TRMT11: variants seen among roughly 807,000 people sequenced by gnomAD.
TRMT11 encodes tRNA (guanine(10)-N(2))-methyltransferase TRMT11.
TRMT11 carries 53 observed loss-of-function variants against 62.8 expected under a neutral mutation model. The observed-to-expected ratio is 0.84, with a 90% CI of 0.68 to 1.06. The LOEUF (loss-of-function observed/expected upper bound fraction) is 1.06, where lower values mean the gene tolerates loss of function less well. TRMT11 is among the 50% of genes least tolerant of loss of function. TRMT11 has a pLI of 0.00. For synonymous variants in TRMT11, 188 were observed against 190.3 expected (o/e 0.99, Z 0.10); for missense variants, 556 against 553.4 (o/e 1.00, Z -0.05).
At chr6:126,187,895 T>A (rs148516315) in intron 1 of TRMT11, among the ~76,000 whole-genome samples, 1 of 150,964 alleles carries the variant, frequency 6.6e-6, no homozygotes, top group Non-Finnish European at 1.5e-5. Flanking sequence ...TTTTAAGAAA[T>A]GGCAATGGAA....
chr6:126,106,364 C>T (rs943704357), intron 17 of TRMT11, among the ~76,000 whole-genome samples: 5 of 152,010 alleles, frequency 3.3e-5, no homozygotes, highest in Admixed American at 6.6e-5. Context: ...AGGCTGGTTT[C>T]GAACTCCTGG....
the TRMT11 span, among the ~76,000 whole-genome samples, chr6:126,237,056 T>G: frequency 6.8e-6 from 1 of 146,204 alleles, no homozygotes; most frequent in African/African-American, 2.6e-5. Flanking sequence ...GTACTTGACC[T>G]CCTAGAGATA....
the TRMT11 span, among the ~76,000 whole-genome samples, chr6:126,226,039 C>T: frequency 6.6e-6 from 1 of 152,126 alleles, no homozygotes; most frequent in Non-Finnish European, 1.5e-5. Flanking sequence ...TGTAGTGTCA[C>T]TCTGGACCAT....
chr6:126,016,532 A>G (rs1173576200), intron 11 of TRMT11, among the ~76,000 whole-genome samples: 1 of 152,166 alleles, frequency 6.6e-6, no homozygotes, highest in Non-Finnish European at 1.5e-5. Context: ...ATAAAAAGTA[A>G]TATTGGAGGT....
chr6:126,042,203 AC>A (rs1775899521), downstream of TRMT11, among the ~76,000 whole-genome samples: 1 of 152,216 alleles, frequency 6.6e-6, no homozygotes, highest in African/African-American at 2.4e-5. Flanking sequence ...AATCATAGAG[AC>A]CAGCACATTC....
At chr6:126,060,726 T>C (rs1000862976) in intron 17 of TRMT11, among the ~76,000 whole-genome samples, 2 of 152,256 alleles carry the variant, frequency 1.3e-5, no homozygotes, top group African/African-American at 4.8e-5. Context: ...TTTTTTCTTT[T>C]GATTGAGAAA....
intron 7 of TRMT11, among the ~76,000 whole-genome samples, chr6:126,005,738 A>G (rs957931007): frequency 6.6e-6 from 1 of 152,006 alleles, no homozygotes; most frequent in Non-Finnish European, 1.5e-5. Context: ...TTGAAATATA[A>G]AATTATAAAT....
At chr6:126,075,332 A>C (rs1462292993) in intron 17 of TRMT11, among the ~76,000 whole-genome samples, 5 of 152,058 alleles carry the variant, frequency 3.3e-5, no homozygotes, top group Non-Finnish European at 7.4e-5. Context: ...TCCCCACCCC[A>C]ATCTCATGTT....
intron 2 of TRMT11, among the ~76,000 whole-genome samples, chr6:125,994,603 C>T (rs12208297): frequency 0.028 from 4,272 of 152,052 alleles, 91 homozygotes; most frequent in Non-Finnish European, 0.042. Flanking sequence ...AGAAAAAAAA[C>T]GGGGTATATA....
chr6:125,991,350 A>G (rs530638244), intron 1 of TRMT11, among the ~76,000 whole-genome samples: 14 of 152,162 alleles, frequency 9.2e-5, no homozygotes, highest in African/African-American at 3.1e-4. Flanking sequence ...GACCCAAGTT[A>G]AGCCATCCTC....
chr6:126,079,735 GA>G (rs919897540), intron 17 of TRMT11, among the ~76,000 whole-genome samples: 12 of 147,628 alleles, frequency 8.1e-5, no homozygotes, highest in South Asian at 4.3e-4. Context: ...AAAATGGAAA[GA>G]AAAAAAAAAG....
intron 12 of TRMT11, among the ~76,000 whole-genome samples, chr6:126,026,608 ATC>A (rs1186720628): frequency 5.3e-5 from 8 of 151,742 alleles, no homozygotes; most frequent in African/African-American, 1.9e-4. Flanking sequence ...GATGGTCTCG[ATC>A]TCCTAACCTC....
intron 17 of TRMT11, among the ~76,000 whole-genome samples, chr6:126,111,549 C>T (rs1231772594): frequency 6.6e-6 from 1 of 152,128 alleles, no homozygotes; most frequent in Non-Finnish European, 1.5e-5. Flanking sequence ...CAGATCACCT[C>T]TTATTTGTTT....
chr6:126,180,092 G>C (rs1778440669), intron 1 of TRMT11, among the ~76,000 whole-genome samples: 1 of 152,034 alleles, frequency 6.6e-6, no homozygotes, highest in Non-Finnish European at 1.5e-5. Flanking sequence ...AGTTTGGAAT[G>C]AAAGAAATTG....
At chr6:126,172,483 A>AT (rs1583898291), upstream of TRMT11, among the ~76,000 whole-genome samples, 1 of 152,108 alleles carries the variant, frequency 6.6e-6, no homozygotes, top group African/African-American at 2.4e-5. Context: ...TAGTTATGTG[A>AT]TTTTTACCTC....
chr6:126,137,095 A>G (rs968397011), intron 21 of TRMT11, among the ~76,000 whole-genome samples: 2 of 151,842 alleles, frequency 1.3e-5, no homozygotes, highest in African/African-American at 2.4e-5. Flanking sequence ...TTTGGATAAG[A>G]CTTCAAAAGC....
At chr6:126,018,072 AACATGATG>A (rs1196445124) in intron 11 of TRMT11, among the ~76,000 whole-genome samples, 1 of 152,246 alleles carries the variant, frequency 6.6e-6, no homozygotes, top group Non-Finnish European at 1.5e-5. Flanking sequence ...TGTTAGTGAT[AACATGATG>A]ACATACTTAT....
At chr6:126,154,253 G>A (rs897769837) in intron 21 of TRMT11, among the ~76,000 whole-genome samples, 5 of 151,922 alleles carry the variant, frequency 3.3e-5, no homozygotes, top group Non-Finnish European at 5.9e-5. Context: ...TTCTTTGAAC[G>A]TGACATTTAG....
At chr6:126,056,230 A>G (rs1776370603) in intron 17 of TRMT11, among the ~76,000 whole-genome samples, 1 of 152,210 alleles carries the variant, frequency 6.6e-6, no homozygotes, top group South Asian at 2.1e-4. Flanking sequence ...GGAAAAGTTT[A>G]TAAGGGTTAT....
Sources: gnomAD v4.1 joint callset for allele counts (sites outside exome capture counted in the v4.1 genomes callset) on GRCh38, gnomAD v4.1.1 for gene constraint, MANE v1.5 for transcripts, NCBI Gene and HGNC (gene_info 2026-07-23, HGNC 2026-07-21) for gene names.